The following NDUFB6 variants were observed in gnomAD, a reference collection of about 807,000 sequenced individuals.
NDUFB6 encodes the protein NADH dehydrogenase [ubiquinone] 1 beta subcomplex subunit 6.
A neutral mutation model predicts 17.5 loss-of-function variants in NDUFB6; 23 were observed. The observed-to-expected ratio is 1.31, with a 90% CI of 0.94 to 1.86. NDUFB6 has a LOEUF of 1.86. NDUFB6 is among the 40% of genes most tolerant of loss of function. The probability of loss-of-function intolerance (pLI) is 0.00; values close to 1 mark genes in which losing one functional copy is unlikely to be tolerated. For missense variants in NDUFB6, 167 were observed against 153.8 expected, an observed-to-expected ratio of 1.09 and a Z score of -0.46; for synonymous variants, 60 against 53.5, an observed-to-expected ratio of 1.12 and a Z score of -0.53.
At chr9:32,558,583 A>G (rs1438101029) in intron 3 of NDUFB6, among the ~76,000 whole-genome samples, 1 of 152,208 alleles carries the variant, frequency 6.6e-6, no homozygotes, top group East Asian at 1.9e-4. Context: ...TCATGCCCTA[A>G]GCTCTTTACC....
At chr9:32,566,918 C>T in intron 2 of NDUFB6, 4 of 544,176 alleles carry the variant, frequency 7.4e-6, no homozygotes, top group South Asian at 5.2e-5. Context: ...ATGTCACTCA[C>T]ATAGCCCTGC....
In NDUFB6 at chr9:32,566,239, T is replaced by A. The variant is rs911227709; in HGVS notation, c.273+4721A>T. On this transcript the variant is annotated intron_variant, in intron 2 of 3. Coordinates refer to ENST00000379847, the MANE Select transcript of NDUFB6 (RefSeq NM_002493.5). The stretch of plus-strand genomic sequence containing the variant: ...GTCATAGCTGGTTTTGTGGGTGGTT[T>A]TCTTATGGCAGACAACACTAATTTT... 3 of 981,548 alleles carry A rather than the reference T, an allele frequency of 3.1e-6. No individual in the cohort carries two copies. In the African/African-American group the frequency reaches 4.8e-5, roughly 16 times the overall value. 60.8% of individuals were successfully genotyped at this position (981,548 alleles called of 1,614,324 possible). A position where few individuals can be genotyped will look rare whatever the true frequency, so the allele number is the denominator to read the frequency against.
In NDUFB6 at chr9:32,568,742, A is replaced by AT. The variant is rs1337982976; in HGVS notation, c.273+2217dup. On this transcript the variant is annotated intron_variant, in intron 2 of 3. Coordinates refer to ENST00000379847, the MANE Select transcript of NDUFB6 (RefSeq NM_002493.5). ...TGTGTGTGTGTGTGCATATATATAT[A>AT]TATATATTTTTTTTTTTTTTTTTTT... 230 of 119,514 alleles carry AT rather than the reference A, an allele frequency of 1.9e-3. 1 individual carries two copies. The highest frequency in any genetic ancestry group is 7.9e-3 in the African/African-American group (216 of 27,494). The allele number at this position is 119,514 out of a possible 1,614,324, so 7.4% of individuals were successfully genotyped here. A position where few individuals can be genotyped will look rare whatever the true frequency, so the allele number is the denominator to read the frequency against.
At chr9:32,556,573 T>C (rs751885286) in intron 3 of NDUFB6, among the ~76,000 whole-genome samples, 2 of 152,192 alleles carry the variant, frequency 1.3e-5, no homozygotes, top group Non-Finnish European at 1.5e-5. Context: ...AAAGGGGTCA[T>C]GGCACAGAAA....
At chr9:32,565,758 G>A (rs1821765679) in intron 2 of NDUFB6, 1 of 154,516 alleles carries the variant, frequency 6.5e-6, no homozygotes, top group Non-Finnish European at 1.4e-5. Flanking sequence ...GATCACCTGA[G>A]GTCAGGAGTT....
In NDUFB6 at chr9:32,571,020, A is replaced by G. The variant is rs1391254159; in HGVS notation, c.213T>C (p.Val71=). 1 of 1,606,286 alleles carries G rather than the reference A, an allele frequency of 6.2e-7. No individual in the cohort carries two copies. Among genetic ancestry groups the G allele is most frequent in the Admixed American group, 1.7e-5 (1 of 58,988 alleles). ...AGACAGGTACAAGTACATGAGTGAA[A>G]ACAAAGATACTCTTTTTGTATACCC... ...VHGVYKKSIF[V]FTHVLVPVWI... is the part of the protein sequence containing the mutation. The change falls in exon 2 of 4, where the codon GTT becomes GTC. Residue 71 remains valine, a synonymous_variant. Coordinates refer to ENST00000379847, the MANE Select transcript of NDUFB6 (RefSeq NM_002493.5).
intron 2 of NDUFB6, chr9:32,567,070 A>C (rs753777102): frequency 1.2e-5 from 6 of 492,966 alleles, no homozygotes; most frequent in South Asian, 9.2e-5. Flanking sequence ...CCGCCATGCC[A>C]AACTTCCTCG....
intron 3 of NDUFB6, among the ~76,000 whole-genome samples, chr9:32,554,735 A>G (rs1227821133): frequency 6.6e-6 from 1 of 152,258 alleles, no homozygotes; most frequent in Non-Finnish European, 1.5e-5. Flanking sequence ...CATTATCCCA[A>G]TAGAAATCAT....
At chr9:32,566,478 A>T in intron 2 of NDUFB6, 1 of 796,140 alleles carries the variant, frequency 1.3e-6, no homozygotes. Flanking sequence ...TGTCGAAGGG[A>T]CCCTGGCAGG....
In NDUFB6 at chr9:32,557,867, T is replaced by A. The variant is rs551045295; in HGVS notation, c.318+1043A>T. 2.0e-5 allele frequency among the ~76,000 whole-genome samples: 3 copies of A among 152,342 alleles called. No individual in the cohort carries two copies. The South Asian group carries it at 6.2e-4, about 32-fold the overall frequency. The stretch of plus-strand genomic sequence containing the variant: ...CCTAAAATTCCCCTGTTGCAACAGA[T>A]AATCATTACTGTGACTAAGTCATTT... On this transcript the variant is annotated intron_variant, in intron 3 of 3. Transcript: ENST00000379847.
chr9:32,571,782 T>C (rs1821946163), intron 1 of NDUFB6, among the ~76,000 whole-genome samples: 1 of 152,220 alleles, frequency 6.6e-6, no homozygotes, highest in Admixed American at 6.5e-5. Flanking sequence ...TGCTGATGGA[T>C]GGGATGTCAA....
At chr9:32,569,751 A>G (rs1821898226) in intron 2 of NDUFB6, among the ~76,000 whole-genome samples, 1 of 152,140 alleles carries the variant, frequency 6.6e-6, no homozygotes, top group Non-Finnish European at 1.5e-5. Flanking sequence ...TCTGGCCTCA[A>G]GCAATCTTCC....
intron 2 of NDUFB6, chr9:32,566,399 T>C (rs1587648228): frequency 1.0e-6 from 1 of 969,384 alleles, no homozygotes; most frequent in South Asian, 1.3e-5. Flanking sequence ...AGGTTCCAGG[T>C]CCAGAAGAGG....
intron 2 of NDUFB6, among the ~76,000 whole-genome samples, chr9:32,561,094 C>A (rs1429157156): frequency 6.6e-6 from 1 of 152,098 alleles, no homozygotes; most frequent in East Asian, 1.9e-4. Context: ...TTTTAAAGCC[C>A]ATCAACAACA....
intron 2 of NDUFB6, among the ~76,000 whole-genome samples, chr9:32,564,436 C>T (rs1434810261): frequency 6.6e-6 from 1 of 151,732 alleles, no homozygotes; most frequent in African/African-American, 2.4e-5. Context: ...CTATCAGTGC[C>T]ATTTTTCTTT....
intron 2 of NDUFB6, among the ~76,000 whole-genome samples, chr9:32,569,243 G>A (rs888077634): frequency 2.6e-5 from 4 of 151,690 alleles, no homozygotes; most frequent in East Asian, 3.9e-4. Context: ...TTTTTGAGAC[G>A]GAGTCTCACT....
At chr9:32,565,976 A>C (rs1821774140) in intron 2 of NDUFB6, among the ~76,000 whole-genome samples, 1 of 152,184 alleles carries the variant, frequency 6.6e-6, no homozygotes, top group African/African-American at 2.4e-5. Context: ...CCACCTACAA[A>C]AAACAAACAA....
At chr9:32,566,246 G>A in intron 2 of NDUFB6, 1 of 1,002,472 alleles carries the variant, frequency 1.0e-6, no homozygotes. Flanking sequence ...GTTTTCTTAT[G>A]GCAGACAACA....
chr9:32,570,844 G>C (rs1229107735), intron 2 of NDUFB6, 116 bp downstream of exon 2: 4 of 600,046 alleles, frequency 6.7e-6, no homozygotes, highest in Non-Finnish European at 1.1e-5. Flanking sequence ...AGAATTCAAA[G>C]TACTTCAAAA....
Sources: allele counts gnomAD v4.1 joint callset (sites outside exome capture counted in the v4.1 genomes callset), GRCh38; gene constraint gnomAD v4.1.1; transcripts MANE v1.5; gene names NCBI Gene and HGNC (gene_info 2026-07-23, HGNC 2026-07-21).